The following AMMECR1 variants were observed in gnomAD, a reference collection of about 807,000 sequenced individuals.
The protein encoded by AMMECR1 is AMMECR nuclear protein 1, also known as nuclear protein AMMECR1.
A neutral mutation model predicts 22.5 loss-of-function variants in AMMECR1; 3 were observed. That is an observed-to-expected ratio of 0.13 (90% CI 0.06 to 0.35). The LOEUF (loss-of-function observed/expected upper bound fraction) is 0.35. AMMECR1 is among the 10% of genes least tolerant of loss of function. The pLI is 1.00. For missense variants in AMMECR1, 235 were observed against 278.7 expected (o/e 0.84, Z 1.12); for synonymous variants, 130 against 116.7 (o/e 1.11, Z -0.74).
chrX:110,373,319 G>A (rs1337083371), intron 2 of AMMECR1, among the ~76,000 whole-genome samples: 5 of 111,748 alleles, frequency 4.5e-5, no homozygotes, highest in Non-Finnish European at 7.5e-5. Context: ...TTAAACCTGA[G>A]CTGCACACTA....
intron 2 of AMMECR1, among the ~76,000 whole-genome samples, chrX:110,218,501 G>A (rs1335671490): frequency 4.6e-5 from 5 of 109,301 alleles, no homozygotes; most frequent in Non-Finnish European, 9.6e-5. Context: ...TTTCCAAACT[G>A]AAACTCTGCA....
Position 110,194,275 on chromosome X carries a change from A to G in AMMECR1, c.*4245T>C, listed in dbSNP as rs953400206. The G allele has an allele frequency of 7.1e-5, 8 of 112,459 alleles. No individual in the cohort carries two copies. The highest frequency in any genetic ancestry group is 2.6e-4 in the African/African-American group (8 of 30,956). The allele number at this position is 112,459 out of a possible 1,213,427, so 9.3% of individuals were successfully genotyped here. On this transcript the variant is annotated 3_prime_UTR_variant, in exon 6 of 6. Transcript: ENST00000262844. ...CAATATCTTTCCACAGCCATACCTT[A>G]CAGACCCACATAAACCTTCTCATAT...
rs2067923163 is a variant in AMMECR1 at position 110,294,230 on chromosome X, T to A, written c.473+23369A>T. Among the ~76,000 whole-genome samples, 3 of 112,090 alleles carry A rather than the reference T, an allele frequency of 2.7e-5. No individual in the cohort carries two copies. In the South Asian group the frequency reaches 1.1e-3, roughly 41 times the overall value. On this transcript the variant is annotated intron_variant, in intron 1 of 5. Coordinates refer to ENST00000262844, the MANE Select transcript of AMMECR1 (RefSeq NM_015365.3). ...GACCAAGCCTCATCCCCGAGGATGT[T>A]GCTCTGACTTCACGGAGATGAGATC...
At chrX:110,403,993 C>T (rs1474081210) in intron 2 of AMMECR1, among the ~76,000 whole-genome samples, 1 of 112,471 alleles carries the variant, frequency 8.9e-6, no homozygotes, top group East Asian at 2.8e-4. Flanking sequence ...TTCTCCAGTG[C>T]TCAGCACACA....
At chrX:110,390,655 T>C (rs1482134283) in intron 2 of AMMECR1, among the ~76,000 whole-genome samples, 1 of 112,025 alleles carries the variant, frequency 8.9e-6, no homozygotes, top group Non-Finnish European at 1.9e-5. Flanking sequence ...GCTGAGTCCT[T>C]AGATCATGTT....
intron 2 of AMMECR1, among the ~76,000 whole-genome samples, chrX:110,233,634 C>T (rs1404841608): frequency 6.2e-5 from 7 of 112,114 alleles, no homozygotes; most frequent in African/African-American, 9.7e-5. Context: ...TTATCCACCA[C>T]GACCAAGTTG....
At chrX:110,315,429 C>T (rs2068043512) in intron 1 of AMMECR1, among the ~76,000 whole-genome samples, 1 of 112,034 alleles carries the variant, frequency 8.9e-6, no homozygotes, top group Admixed American at 9.4e-5. Context: ...ATTCTTCCAC[C>T]ACCGTTTCAA....
intron 2 of AMMECR1, among the ~76,000 whole-genome samples, chrX:110,324,691 G>C (rs1400959598): frequency 1.6e-4 from 16 of 97,258 alleles, no homozygotes; most frequent in African/African-American, 6.1e-4. Flanking sequence ...TGGATTTTTT[G>C]TCAAATGCTT....
At chrX:110,289,982 C>T (rs1004588279) in intron 1 of AMMECR1, among the ~76,000 whole-genome samples, 1 of 111,408 alleles carries the variant, frequency 9.0e-6, no homozygotes, top group Non-Finnish European at 1.9e-5. Flanking sequence ...ATACTGGAAT[C>T]AACCCAACTT....
chrX:110,249,068 G>GA (rs998218880), intron 2 of AMMECR1, among the ~76,000 whole-genome samples: 1 of 111,568 alleles, frequency 9.0e-6, no homozygotes, highest in Admixed American at 9.5e-5. Flanking sequence ...TAGCTGTGAA[G>GA]AAAAAAGTCA....
chrX:110,367,632 A>C (rs985573425), intron 2 of AMMECR1, among the ~76,000 whole-genome samples: 4 of 110,694 alleles, frequency 3.6e-5, no homozygotes, highest in Non-Finnish European at 7.6e-5. Flanking sequence ...TCTGATTGGC[A>C]TCTCAACTTG....
At chrX:110,266,967 G>T (rs907534373) in intron 1 of AMMECR1, among the ~76,000 whole-genome samples, 6 of 110,877 alleles carry the variant, frequency 5.4e-5, no homozygotes, top group Non-Finnish European at 1.1e-4. Context: ...GTGTTAGTTT[G>T]CTAAGAATGA....
rs1359914768 is a variant in AMMECR1, at chrX:110,385,122, G to A, written c.-148+41536C>T. Among the ~76,000 whole-genome samples the A allele has an allele frequency of 1.8e-5, 2 of 111,000 alleles. 1 individual carries two copies. The highest frequency in any genetic ancestry group is 3.8e-5 in the Non-Finnish European group (2 of 52,943). On this transcript the variant is annotated intron_variant, in intron 2 of 7. Transcript: ENST00000372057. ...CCAGATGGCCTGAATTTGAATCCCA[G>A]CTCCACCACCAACTAGCTGTGAGAC...
At chrX:110,362,873 A>G (rs2068273474) in intron 2 of AMMECR1, among the ~76,000 whole-genome samples, 1 of 112,047 alleles carries the variant, frequency 8.9e-6, no homozygotes, top group Admixed American at 9.5e-5. Flanking sequence ...GGATTTATAT[A>G]TATTAATTCA....
At chrX:110,379,148 G>C (rs1420157219) in intron 2 of AMMECR1, among the ~76,000 whole-genome samples, 1 of 111,561 alleles carries the variant, frequency 9.0e-6, no homozygotes, top group East Asian at 2.8e-4. Flanking sequence ...CTGCTTTTCA[G>C]TGTACCTTTC....
At chrX:110,222,637 AGAAAAAG>A (rs1421194858) in intron 2 of AMMECR1, among the ~76,000 whole-genome samples, 15 of 110,358 alleles carry the variant, frequency 1.4e-4, no homozygotes, top group Admixed American at 3.9e-4. Flanking sequence ...AAAAAAAGAA[AGAAAAAG>A]GAAAAAGGAA....
At chrX:110,344,253 G>T (rs150332223) in intron 2 of AMMECR1, among the ~76,000 whole-genome samples, 1 of 111,907 alleles carries the variant, frequency 8.9e-6, no homozygotes, top group Admixed American at 9.5e-5. Context: ...AAAGGATTCC[G>T]TATTTAACAA....
intron 2 of AMMECR1, among the ~76,000 whole-genome samples, chrX:110,246,776 T>C (rs2067660437): frequency 8.9e-6 from 1 of 112,096 alleles, no homozygotes; most frequent in South Asian, 3.7e-4. Context: ...ACTGGGTGAG[T>C]CCTTTGGGAA....
At position 110,300,819 on chromosome X, in the gene AMMECR1, T is replaced by C. The variant is rs143916472; in HGVS notation, c.473+16780A>G. ...ATTTATCCTCTAGCACACCACCACATAGCTATAGTTTCCAATATGTTTAGA... is the reference window on the plus strand; with the variant it reads ...ATTTATCCTCTAGCACACCACCACACAGCTATAGTTTCCAATATGTTTAGA... On this transcript the variant is annotated intron_variant, in intron 1 of 5. Coordinates refer to ENST00000262844, the MANE Select transcript of AMMECR1 (RefSeq NM_015365.3). 9.6e-4 allele frequency among the ~76,000 whole-genome samples: 108 copies of C among 112,134 alleles called. 1 individual carries two copies. Among genetic ancestry groups the C allele is most frequent in the African/African-American group, 3.3e-3 (101 of 30,962 alleles).
Sources: allele counts gnomAD v4.1 joint callset (sites outside exome capture counted in the v4.1 genomes callset), GRCh38; gene constraint gnomAD v4.1.1; transcripts MANE v1.5; gene names NCBI Gene and HGNC (gene_info 2026-07-23, HGNC 2026-07-21).